LAMB1: variants seen among roughly 807,000 people sequenced by gnomAD.
LAMB1 encodes the protein laminin subunit beta-1.
LAMB1 carries 121 observed loss-of-function variants against 222.3 expected under a neutral mutation model. The observed-to-expected ratio is 0.54, with a 90% CI of 0.47 to 0.63. LAMB1 has a LOEUF of 0.63. Ranked by LOEUF, LAMB1 falls within the 30% of genes least tolerant of loss-of-function variation. LAMB1 has a pLI of 0.00. For missense variants in LAMB1, 2,172 were observed against 2,240.8 expected, an observed-to-expected ratio of 0.97 and a Z score of 0.62; for synonymous variants, 794 against 807.2, an observed-to-expected ratio of 0.98 and a Z score of 0.28.
intron 13 of LAMB1, among the ~76,000 whole-genome samples, chr7:107,972,472 G>T (rs1394993912): frequency 6.6e-6 from 1 of 152,038 alleles, no homozygotes; most frequent in Non-Finnish European, 1.5e-5. Context: ...CTTGCCAAAT[G>T]TGTGTTCTGA....
At chr7:107,988,818 G>T (rs767508701) in intron 5 of LAMB1, among the ~76,000 whole-genome samples, 1 of 152,180 alleles carries the variant, frequency 6.6e-6, no homozygotes, top group Non-Finnish European at 1.5e-5. Flanking sequence ...CCGAACCAAG[G>T]AGAGAGGCCT....
At position 107,935,347 on chromosome 7, in the gene LAMB1, G is replaced by GTTT. The variant is rs200599445; in HGVS notation, c.4188+65_4188+67dup. Reference sequence around the variant, plus strand: ...GACAAAAGATGGTTTGTTTTTCTTTGTTTTTTTTTTTTTTTTTTTTTTTTT... The same window carrying GTTT: ...GACAAAAGATGGTTTGTTTTTCTTTGTTTTTTTTTTTTTTTTTTTTTTTTTTTT... On this transcript the variant is annotated intron_variant, in intron 27 of 33. Coordinates refer to ENST00000222399, the MANE Select transcript of LAMB1 (RefSeq NM_002291.3). The GTTT allele has an allele frequency of 7.9e-5, 93 of 1,173,144 alleles. 1 individual carries two copies. The highest frequency in any genetic ancestry group is 9.6e-5 in the African/African-American group (4 of 41,528). 72.7% of individuals were successfully genotyped at this position (1,173,144 alleles called of 1,614,324 possible). A position where few individuals can be genotyped will look rare whatever the true frequency, so the allele number is the denominator to read the frequency against.
chr7:107,963,316 C>CT (rs1322760134), intron 14 of LAMB1, among the ~76,000 whole-genome samples: 4 of 152,100 alleles, frequency 2.6e-5, no homozygotes, highest in Admixed American at 6.5e-5. Context: ...TGGGATATAC[C>CT]TTATTTGATA....
intron 24 of LAMB1, among the ~76,000 whole-genome samples, chr7:107,947,172 A>G (rs546380125): frequency 3.3e-5 from 5 of 152,154 alleles, no homozygotes; most frequent in African/African-American, 4.8e-5. Flanking sequence ...AACAGCCCCA[A>G]CCCGCCTGGA....
At chr7:107,951,946 CAA>C in intron 23 of LAMB1, 61 bp downstream of exon 23, 1 of 1,423,736 alleles carries the variant, frequency 7.0e-7, no homozygotes, top group Non-Finnish European at 9.6e-7. Context: ...CTAACTGGGG[CAA>C]AGTCACCATG....
At chr7:107,985,818 G>T (rs979462518) in intron 7 of LAMB1, among the ~76,000 whole-genome samples, 12 of 150,530 alleles carry the variant, frequency 8.0e-5, no homozygotes, top group Admixed American at 7.3e-4. Flanking sequence ...TTAGCTGGGC[G>T]TGGTGGCACA....
At chr7:107,970,921 C>T (rs991500067) in intron 13 of LAMB1, among the ~76,000 whole-genome samples, 15 of 152,046 alleles carry the variant, frequency 9.9e-5, no homozygotes, top group African/African-American at 3.4e-4. Flanking sequence ...TTAGTAGAGA[C>T]AGGGTTTCAC....
In LAMB1 at chr7:107,975,218, T is replaced by TA; in HGVS notation, c.1369+15dup. The TA allele has an allele frequency of 6.2e-7, 1 of 1,601,186 alleles. No homozygotes were observed. Among genetic ancestry groups the TA allele is most frequent in the Non-Finnish European group, 8.5e-7 (1 of 1,170,852 alleles). On this transcript the variant is annotated intron_variant, in intron 11 of 33. Transcript: ENST00000222399. The stretch of plus-strand genomic sequence containing the variant: ...AACACAAGAAAACTCCCAAACTTTT[T>TA]AGCAAACAGACCTACATTTACAACC...
In LAMB1 at chr7:107,951,333, AAC is replaced by A; in HGVS notation, c.3295-13_3295-12del. On this transcript the variant is annotated splice_polypyrimidine_tract_variant and intron_variant, in intron 23 of 33. Transcript: ENST00000222399. ...GCACTGCCCCGTGAACTGCGGCCAGAACACAGACCTTGGTCAAGCAGGCTTCA... is the reference window on the plus strand; with the variant it reads ...GCACTGCCCCGTGAACTGCGGCCAGAACAGACCTTGGTCAAGCAGGCTTCA... 6.2e-7 allele frequency: 1 copy of A among 1,613,512 alleles called. No individual in the cohort carries two copies. Among genetic ancestry groups the A allele is most frequent in the Non-Finnish European group, 8.5e-7 (1 of 1,179,622 alleles).
At position 107,998,391 on chromosome 7, in the gene LAMB1, TGG is replaced by T. The variant is rs1352532055; in HGVS notation, c.313_314del (p.Pro105LysfsTer4). The T allele has an allele frequency of 6.2e-7, 1 of 1,614,154 alleles. No individual in the cohort carries two copies. Among genetic ancestry groups the T allele is most frequent in the Admixed American group, 1.7e-5 (1 of 60,022 alleles). On this transcript the variant is annotated frameshift_variant, in exon 4 of 34. Coordinates refer to ENST00000222399, the MANE Select transcript of LAMB1 (RefSeq NM_002291.3). LOFTEE classifies it high-confidence loss of function. ...LIENVVTTFA[P>X]NRLKIWWQSE... ...ATTGCCACCAAATCTTAAGGCGGTT[TGG>T]AGCAAATGTAGTGACCACATTTTCA...
rs1025508517 is a variant in LAMB1 at position 107,960,821 on chromosome 7, T to A, written c.2110-172A>T. Among the ~76,000 whole-genome samples, 53 of 152,200 alleles carry A rather than the reference T, an allele frequency of 3.5e-4. 1 individual carries two copies. The highest frequency in any genetic ancestry group is 3.5e-3 in the Admixed American group (53 of 15,280). On this transcript the variant is annotated intron_variant, in intron 17 of 33. Coordinates refer to ENST00000222399, the MANE Select transcript of LAMB1 (RefSeq NM_002291.3). Reference sequence around the variant, plus strand: ...ATTCCTAAATACTCTTGGCAGGAAATTTTAGATATGTTTTACACAGCTTGA... The same window carrying A: ...ATTCCTAAATACTCTTGGCAGGAAAATTTAGATATGTTTTACACAGCTTGA...
intron 20 of LAMB1, among the ~76,000 whole-genome samples, chr7:107,956,952 C>A (rs558443320): frequency 6.6e-6 from 1 of 152,128 alleles, no homozygotes; most frequent in African/African-American, 2.4e-5. Context: ...ATTTGGGGTC[C>A]TTAAAGCAAT....
At chr7:107,944,455 C>T (rs565045081) in intron 24 of LAMB1, among the ~76,000 whole-genome samples, 4 of 152,288 alleles carry the variant, frequency 2.6e-5, no homozygotes. Flanking sequence ...ACATTCCTTT[C>T]TCCCACCTGA....
chr7:107,950,961 T>TGTGC (rs1554405431), intron 24 of LAMB1: 11 of 357,326 alleles, frequency 3.1e-5, no homozygotes, highest in African/African-American at 1.1e-4. Context: ...TGTGTGTGTG[T>TGTGC]GCTTACACAC....
chr7:107,991,069 T>G (rs181138494), intron 5 of LAMB1, among the ~76,000 whole-genome samples: 186 of 152,352 alleles, frequency 1.2e-3, no homozygotes, highest in Non-Finnish European at 1.8e-3. Flanking sequence ...TCCCAATTTT[T>G]TTTTGGTATT....
rs1443932967 is a variant in LAMB1 at position 107,972,998 on chromosome 7, T to C, written c.1556A>G (p.Asn519Ser). ...PCDCDLGGAL[N>S]NSCFAESGQC... ...TACGTAGAGCTCCATTTACCTGTTG[T>C]TTAAGGCTCCCCCAAGGTCACAGTC... Residue 519 changes from asparagine (N) to serine (S), a missense_variant, in exon 13 of 34, where the codon AAC (asparagine) becomes AGC (serine). Physicochemically the swap from Asn to Ser is conservative, Grantham distance 46 (BLOSUM62 1). Transcript: ENST00000222399. The C allele has an allele frequency of 6.2e-7, 1 of 1,613,484 alleles. No individual in the cohort carries two copies. Among genetic ancestry groups the C allele is most frequent in the Admixed American group, 1.7e-5 (1 of 60,016 alleles).
At chr7:107,929,654 A>G (rs1435317647) in intron 29 of LAMB1, 35 bp from the exon 30 acceptor site, 2 of 1,550,926 alleles carry the variant, frequency 1.3e-6, no homozygotes, top group East Asian at 4.5e-5. Context: ...AAAAGAGGTG[A>G]AAAGAATAGA....
chr7:107,938,775 T>G (rs2032909959), intron 25 of LAMB1, among the ~76,000 whole-genome samples: 1 of 152,180 alleles, frequency 6.6e-6, no homozygotes, highest in Non-Finnish European at 1.5e-5. Flanking sequence ...GTAAAATGCC[T>G]CACTAAATGC....
chr7:107,963,970 T>G (rs1036130109), intron 14 of LAMB1, among the ~76,000 whole-genome samples: 1 of 152,180 alleles, frequency 6.6e-6, no homozygotes, highest in Admixed American at 6.5e-5. Context: ...TGGTGGCACA[T>G]GCCTATAATC....
Sources: allele counts gnomAD v4.1 joint callset (sites outside exome capture counted in the v4.1 genomes callset), GRCh38; gene constraint gnomAD v4.1.1; transcripts MANE v1.5; gene names NCBI Gene and HGNC (gene_info 2026-07-23, HGNC 2026-07-21).